ITPR1: variants seen among roughly 807,000 people sequenced by gnomAD.
The protein encoded by ITPR1 is inositol 1,4,5-trisphosphate receptor type 1.
ITPR1 carries 96 observed loss-of-function variants against 318.4 expected under a neutral mutation model. The observed-to-expected ratio is 0.30, with a 90% CI of 0.26 to 0.36. The LOEUF (loss-of-function observed/expected upper bound fraction) is 0.36. Among genes scored for constraint, ITPR1 ranks in the 10% least tolerant of loss-of-function variants. The pLI is 1.00. For missense variants in ITPR1, 2,440 were observed against 3,460.2 expected, an observed-to-expected ratio of 0.71 and a Z score of 7.40; for synonymous variants, 1,312 against 1,289.9, an observed-to-expected ratio of 1.02 and a Z score of -0.37.
intron 11 of ITPR1, 56 bp downstream of exon 11, chr3:4,652,274 T>C: frequency 1.6e-6 from 2 of 1,240,108 alleles, no homozygotes; most frequent in Non-Finnish European, 2.3e-6. Flanking sequence ...TCACCGCCTT[T>C]CCTCATTCGC....
rs2050020321 is a variant in ITPR1, at chr3:4,825,606, T to G, written c.8028+7364T>G. The G allele has an allele frequency of 1.2e-5, 5 of 403,564 alleles. 1 individual carries two copies. Among genetic ancestry groups the G allele is most frequent in the South Asian group, 7.4e-5 (4 of 54,092 alleles). 25.0% of individuals were successfully genotyped at this position (403,564 alleles called of 1,614,324 possible). A position where few individuals can be genotyped will look rare whatever the true frequency, so the allele number is the denominator to read the frequency against. On this transcript the variant is annotated intron_variant, in intron 60 of 61. Transcript: ENST00000649015. ...AAAGCAGTAGGACATCTGGCCCTTG[T>G]GCTTATCTGTATTTGATAAGATGAC...
intron 4 of ITPR1, among the ~76,000 whole-genome samples, chr3:4,554,146 T>C (rs1319734600): frequency 1.3e-5 from 2 of 152,222 alleles, no homozygotes; most frequent in African/African-American, 4.8e-5. Flanking sequence ...TCCCATCTTA[T>C]TGGTGAGGAA....
At chr3:4,564,138 A>G (rs1485329263) in intron 4 of ITPR1, among the ~76,000 whole-genome samples, 1 of 152,004 alleles carries the variant, frequency 6.6e-6, no homozygotes, top group African/African-American at 2.4e-5. Context: ...ACGGGGTTTC[A>G]CCATGTAGGT....
intron 12 of ITPR1, among the ~76,000 whole-genome samples, chr3:4,656,110 C>A (rs144263108): frequency 1.3e-5 from 2 of 152,324 alleles, no homozygotes; most frequent in East Asian, 3.9e-4. Context: ...AAAAGGACCA[C>A]CAGAGGCTCC....
rs534067603 is a variant in ITPR1 at position 4,737,313 on chromosome 3, C to T, written c.5544+1959C>T. ...GCCCTCCAAGAAGTAGAAGTGATGC[C>T]GGGGAACCACCAAGGAAGAAGGACC... On this transcript the variant is annotated intron_variant, in intron 44 of 61. Coordinates refer to ENST00000649015, the MANE Select transcript of ITPR1 (RefSeq NM_001378452.1). Among the ~76,000 whole-genome samples, 32 of 152,134 alleles carry T rather than the reference C, an allele frequency of 2.1e-4. 1 individual carries two copies. In the South Asian group the frequency reaches 4.4e-3, roughly 21 times the overall value.
chr3:4,675,298 C>T (rs756566172), intron 23 of ITPR1, 50 bp downstream of exon 23: 1 of 1,356,970 alleles, frequency 7.4e-7, no homozygotes. Context: ...TCCAGCCTTT[C>T]CTGTTATGCT....
chr3:4,659,913 A>G (rs2093797480), intron 13 of ITPR1, among the ~76,000 whole-genome samples: 1 of 152,214 alleles, frequency 6.6e-6, no homozygotes, highest in Non-Finnish European at 1.5e-5. Flanking sequence ...TTATTGAGAT[A>G]TCAGATTGTT....
At chr3:4,583,325 T>A (rs1269339652) in intron 4 of ITPR1, among the ~76,000 whole-genome samples, 2 of 152,106 alleles carry the variant, frequency 1.3e-5, no homozygotes, top group African/African-American at 4.8e-5. Flanking sequence ...AAAAAAAAGT[T>A]AGCGTTTTTT....
At chr3:4,573,951 A>G (rs76498438) in intron 4 of ITPR1, among the ~76,000 whole-genome samples, 15 of 152,360 alleles carry the variant, frequency 9.8e-5, no homozygotes, top group African/African-American at 3.4e-4. Context: ...AATGTCTGAT[A>G]CTGAAAAGAT....
chr3:4,709,385 T>A (rs1008944751), intron 37 of ITPR1, among the ~76,000 whole-genome samples: 1 of 152,230 alleles, frequency 6.6e-6, no homozygotes, highest in Non-Finnish European at 1.5e-5. Flanking sequence ...TATCTTCATG[T>A]CATTAGTTTC....
At chr3:4,645,926 A>C (rs993129148) in intron 10 of ITPR1, 198 bp downstream of exon 10, 1 of 523,086 alleles carries the variant, frequency 1.9e-6, no homozygotes, top group Non-Finnish European at 3.3e-6. Context: ...ACTTATACCC[A>C]CCTTATTCCA....
At chr3:4,798,707 A>G (rs2048041585) in intron 53 of ITPR1, among the ~76,000 whole-genome samples, 1 of 152,228 alleles carries the variant, frequency 6.6e-6, no homozygotes, top group South Asian at 2.1e-4. Context: ...TGTTAACTGG[A>G]CAAATAAATT....
At position 4,836,882 on chromosome 3, in the gene ITPR1, A is replaced by G. The variant is rs2050961718; in HGVS notation, c.8137A>G (p.Thr2713Ala). ...LRNLQEKLES[T>A]MKLVTNLSGQ... ...AAACCTGCAGGAGAAGCTGGAGTCCACCATGAAACTTGTCACGAACCTTTC... is the reference window on the plus strand; with the variant it reads ...AAACCTGCAGGAGAAGCTGGAGTCCGCCATGAAACTTGTCACGAACCTTTC... Residue 2713 changes from threonine (T) to alanine (A), a missense_variant, in exon 61 of 62, where the codon ACC becomes GCC. Physicochemically the swap from Thr to Ala is moderately conservative, Grantham distance 58. Around this residue, in one of 23 missense-constraint regions of ITPR1, gnomAD observed 63 missense variants for 63.4 expected, o/e 0.99. Coordinates refer to ENST00000649015, the MANE Select transcript of ITPR1 (RefSeq NM_001378452.1). 1.9e-6 allele frequency: 3 copies of G among 1,597,990 alleles called. No homozygotes were observed. The highest frequency in any genetic ancestry group is 2.6e-6 in the Non-Finnish European group (3 of 1,168,398).
chr3:4,754,077 G>A (rs2044767638), intron 44 of ITPR1, among the ~76,000 whole-genome samples: 1 of 149,196 alleles, frequency 6.7e-6, no homozygotes, highest in African/African-American at 2.5e-5. Context: ...ATTATTCTTG[G>A]CATCTGTATA....
At chr3:4,693,455 G>T in intron 32 of ITPR1, 35 bp from the exon 33 acceptor site, 1 of 1,599,372 alleles carries the variant, frequency 6.3e-7, no homozygotes, top group Non-Finnish European at 8.6e-7. Flanking sequence ...ACCCCTGCAA[G>T]CTTGTAATCT....
At chr3:4,798,612 A>G (rs1162560507) in intron 53 of ITPR1, among the ~76,000 whole-genome samples, 1 of 152,258 alleles carries the variant, frequency 6.6e-6, no homozygotes, top group Non-Finnish European at 1.5e-5. Context: ...TCCAAGTGAA[A>G]TGAAAATATG....
chr3:4,730,020 T>G (rs1253571746), intron 42 of ITPR1, among the ~76,000 whole-genome samples: 2 of 151,898 alleles, frequency 1.3e-5, no homozygotes, highest in Non-Finnish European at 2.9e-5. Flanking sequence ...TCAGGATGAT[T>G]AGGAAAGCTT....
At chr3:4,717,127 G>A (rs955372904) in intron 39 of ITPR1, among the ~76,000 whole-genome samples, 1 of 152,168 alleles carries the variant, frequency 6.6e-6, no homozygotes, top group Non-Finnish European at 1.5e-5. Context: ...AGTGACCTGC[G>A]AGGTCTGATG....
intron 4 of ITPR1, among the ~76,000 whole-genome samples, chr3:4,602,191 T>C (rs187477408): frequency 5.4e-4 from 83 of 152,310 alleles, no homozygotes; most frequent in Non-Finnish European, 9.6e-4. Context: ...CTTAGGGATA[T>C]ACCCAAATGA....
Sources: gnomAD v4.1 joint callset for allele counts (sites outside exome capture counted in the v4.1 genomes callset) on GRCh38, gnomAD v4.1.1 for gene constraint, gnomAD v4.1.1 regional missense constraint, MANE v1.5 for transcripts, NCBI Gene and HGNC (gene_info 2026-07-23, HGNC 2026-07-21) for gene names.